The following DCC variants were observed in gnomAD, a reference collection of about 807,000 sequenced individuals.
DCC encodes the protein DCC netrin 1 receptor, also known as netrin receptor DCC.
In DCC, 58 loss-of-function variants were observed where a neutral mutation model predicts 172.5. That is an observed-to-expected ratio of 0.34 (90% CI 0.27 to 0.42). The LOEUF (loss-of-function observed/expected upper bound fraction) is 0.42, where lower values mean the gene tolerates loss of function less well. Among genes scored for constraint, DCC ranks in the 10% least tolerant of loss-of-function variants. The pLI, the probability that DCC is intolerant of heterozygous loss-of-function variation, is 1.00. For missense variants in DCC, 1,740 were observed against 1,791.0 expected (o/e 0.97, Z 0.51); for synonymous variants, 709 against 644.5 (o/e 1.10, Z -1.52).
intron 1 of DCC, among the ~76,000 whole-genome samples, chr18:52,654,930 A>G (rs2035216308): frequency 2.0e-5 from 3 of 152,144 alleles, no homozygotes; most frequent in Admixed American, 1.3e-4. Context: ...TTGTTTATCT[A>G]CTGTTGCTAT....
At chr18:53,047,272 A>AATTT (rs1444871053) in intron 5 of DCC, among the ~76,000 whole-genome samples, 1 of 12,426 alleles carries the variant, frequency 8.0e-5, no homozygotes, top group South Asian at 1.2e-3. Context: ...ATATATATAT[A>AATTT]TATATATATA....
chr18:52,618,172 G>A (rs944560469), intron 1 of DCC, among the ~76,000 whole-genome samples: 1 of 151,998 alleles, frequency 6.6e-6, no homozygotes, highest in South Asian at 2.1e-4. Flanking sequence ...CATTAGAAGG[G>A]AAATTCTCAT....
intron 1 of DCC, among the ~76,000 whole-genome samples, chr18:52,434,505 A>G (rs1253837471): frequency 1.3e-5 from 2 of 152,206 alleles, no homozygotes; most frequent in Non-Finnish European, 2.9e-5. Flanking sequence ...CTACAAAACT[A>G]TTTTTGAGAA....
rs544455028 is a variant in DCC, at chr18:52,952,206, T to G, written c.985+26836T>G. ...ATTGTCCGTGTCCTTATTTTCCTTATTTTAATGTTTTCTTTTTCTGAATAT... is the reference window on the plus strand; with the variant it reads ...ATTGTCCGTGTCCTTATTTTCCTTAGTTTAATGTTTTCTTTTTCTGAATAT... On this transcript the variant is annotated intron_variant, in intron 5 of 28. Transcript: ENST00000442544. Among the ~76,000 whole-genome samples, 18 of 152,378 alleles carry G rather than the reference T, an allele frequency of 1.2e-4. No individual in the cohort carries two copies. The East Asian group carries it at 3.5e-3, about 29-fold the overall frequency.
At chr18:52,420,618 A>G (rs1987215286) in intron 1 of DCC, among the ~76,000 whole-genome samples, 1 of 152,210 alleles carries the variant, frequency 6.6e-6, no homozygotes, top group Admixed American at 6.5e-5. Context: ...ACAAGGCCAG[A>G]AATTTTACAT....
At chr18:52,656,448 T>C (rs1044944316) in intron 1 of DCC, among the ~76,000 whole-genome samples, 1 of 152,158 alleles carries the variant, frequency 6.6e-6, no homozygotes, top group African/African-American at 2.4e-5. Flanking sequence ...AGGAAATAAA[T>C]TTTTGTTGTT....
intron 8 of DCC, among the ~76,000 whole-genome samples, chr18:53,157,852 TC>T (rs1441298879): frequency 6.6e-6 from 1 of 152,208 alleles, no homozygotes; most frequent in Non-Finnish European, 1.5e-5. Flanking sequence ...TAGCTTGTAA[TC>T]CCATTTCTGT....
chr18:53,028,141 G>A (rs112673359), intron 5 of DCC, among the ~76,000 whole-genome samples: 1 of 152,164 alleles, frequency 6.6e-6, no homozygotes, highest in Admixed American at 6.6e-5. Context: ...ACACTCTCAT[G>A]TTGCCTACAT....
At chr18:52,800,696 C>T (rs1043920968) in intron 2 of DCC, among the ~76,000 whole-genome samples, 9 of 152,156 alleles carry the variant, frequency 5.9e-5, no homozygotes, top group African/African-American at 1.7e-4. Flanking sequence ...ATTGTGTTAA[C>T]GTATCACCTT....
intron 27 of DCC, among the ~76,000 whole-genome samples, chr18:53,522,780 A>G (rs533183014): frequency 6.6e-6 from 1 of 152,336 alleles, no homozygotes; most frequent in African/African-American, 2.4e-5. Context: ...TGGATTAAAG[A>G]CTTAAATGTA....
chr18:52,421,520 G>C (rs575956943), intron 1 of DCC, among the ~76,000 whole-genome samples: 2 of 152,274 alleles, frequency 1.3e-5, no homozygotes, highest in African/African-American at 4.8e-5. Context: ...CAGCCTTGCT[G>C]CTGCTGCCCC....
At chr18:52,780,792 A>G (rs1599103100) in intron 2 of DCC, among the ~76,000 whole-genome samples, 1 of 152,074 alleles carries the variant, frequency 6.6e-6, no homozygotes, top group Non-Finnish European at 1.5e-5. Flanking sequence ...AAGGTCAGAG[A>G]CCTTTCTGCT....
At chr18:52,473,199 G>T (rs1214658407) in intron 1 of DCC, among the ~76,000 whole-genome samples, 2 of 152,152 alleles carry the variant, frequency 1.3e-5, no homozygotes, top group African/African-American at 2.4e-5. Context: ...GCAGGCTCTG[G>T]TCTCTGCTGC....
intron 1 of DCC, among the ~76,000 whole-genome samples, chr18:52,360,427 C>A (rs1984568722): frequency 6.6e-6 from 1 of 152,228 alleles, no homozygotes; most frequent in Non-Finnish European, 1.5e-5. Context: ...CAATTTCTCT[C>A]CCATTGTAGT....
chr18:53,511,106 A>G (rs2046245930), intron 27 of DCC, among the ~76,000 whole-genome samples: 1 of 152,248 alleles, frequency 6.6e-6, no homozygotes, highest in Non-Finnish European at 1.5e-5. Context: ...TAAAGAACAG[A>G]TAAGAAAATG....
At chr18:52,664,459 C>CTTTTCT (rs1250284316) in intron 1 of DCC, among the ~76,000 whole-genome samples, 1 of 137,524 alleles carries the variant, frequency 7.3e-6, no homozygotes, top group Non-Finnish European at 1.5e-5. Context: ...TATCTTTTTT[C>CTTTTCT]TTTTCTTTTT....
chr18:53,143,726 T>G (rs1003785113), intron 7 of DCC, among the ~76,000 whole-genome samples: 1 of 152,234 alleles, frequency 6.6e-6, no homozygotes, highest in South Asian at 2.1e-4. Context: ...TAGTCAGTAA[T>G]TTTAAAATGT....
At chr18:53,005,598 C>T (rs547567844) in intron 5 of DCC, among the ~76,000 whole-genome samples, 4 of 152,178 alleles carry the variant, frequency 2.6e-5, no homozygotes, top group South Asian at 2.1e-4. Flanking sequence ...CAAAGTGGTG[C>T]GTGCCTACAG....
At chr18:53,446,684 G>A (rs547591563) in intron 22 of DCC, among the ~76,000 whole-genome samples, 4 of 152,240 alleles carry the variant, frequency 2.6e-5, no homozygotes, top group African/African-American at 4.8e-5. Context: ...TGTTTTCATG[G>A]CCATTCATGG....
Sources: gnomAD v4.1 joint callset for allele counts (sites outside exome capture counted in the v4.1 genomes callset) on GRCh38, gnomAD v4.1.1 for gene constraint, MANE v1.5 for transcripts, NCBI Gene and HGNC (gene_info 2026-07-23, HGNC 2026-07-21) for gene names.